Variants in XRCC4 observed in about 807,000 individuals in gnomAD.
XRCC4 encodes X-ray repair cross complementing 4, also known as DNA repair protein XRCC4.
XRCC4 carries 28 observed loss-of-function variants against 39.1 expected under a neutral mutation model. That is an observed-to-expected ratio of 0.72 (90% CI 0.53 to 0.98). The LOEUF is 0.98. Ranked by LOEUF, XRCC4 falls within the 50% of genes least tolerant of loss-of-function variation. The pLI, the probability that XRCC4 is intolerant of heterozygous loss-of-function variation, is 0.00. For synonymous variants in XRCC4, 123 were observed against 126.4 expected, an observed-to-expected ratio of 0.97 and a Z score of 0.18; for missense variants, 350 against 376.4, an observed-to-expected ratio of 0.93 and a Z score of 0.58.
chr5:83,234,813 T>TA (rs34710530), intron 6 of XRCC4, among the ~76,000 whole-genome samples: 1 of 151,484 alleles, frequency 6.6e-6, no homozygotes, highest in East Asian at 1.9e-4. Flanking sequence ...ATTTGACATT[T>TA]AAAAAAAAAT....
intron 7 of XRCC4, among the ~76,000 whole-genome samples, chr5:83,277,846 T>C (rs1210143362): frequency 6.6e-6 from 1 of 152,234 alleles, no homozygotes; most frequent in Non-Finnish European, 1.5e-5. Context: ...AGGATAACTA[T>C]ACATTCTTTG....
intron 3 of XRCC4, among the ~76,000 whole-genome samples, chr5:83,165,341 C>G (rs181487240): frequency 6.6e-6 from 1 of 151,992 alleles, no homozygotes; most frequent in African/African-American, 2.4e-5. Flanking sequence ...ATTATAGATA[C>G]AATTCCAATA....
chr5:83,084,920 A>G (rs992366755), intron 1 of XRCC4, among the ~76,000 whole-genome samples: 1 of 152,202 alleles, frequency 6.6e-6, no homozygotes, highest in Non-Finnish European at 1.5e-5. Context: ...GAAATCGATT[A>G]GCTCTATAGA....
intron 3 of XRCC4, among the ~76,000 whole-genome samples, chr5:83,152,319 G>C (rs559380374): frequency 6.6e-6 from 1 of 152,144 alleles, no homozygotes; most frequent in Non-Finnish European, 1.5e-5. Context: ...AATATTTAAT[G>C]ATATATGTAG....
At chr5:83,273,018 G>A (rs920186125) in intron 7 of XRCC4, among the ~76,000 whole-genome samples, 3 of 152,204 alleles carry the variant, frequency 2.0e-5, no homozygotes, top group Admixed American at 6.5e-5. Flanking sequence ...TTCCACAATG[G>A]TTGAACTAAT....
In XRCC4 at chr5:83,239,625, C is replaced by T. The variant is rs28360198; in HGVS notation, c.746-18905C>T. 1.9e-3 allele frequency among the ~76,000 whole-genome samples: 289 copies of T among 151,608 alleles called. 2 individuals carry two copies. Among genetic ancestry groups the T allele is most frequent in the African/African-American group, 6.9e-3 (284 of 41,248 alleles). On this transcript the variant is annotated intron_variant, in intron 6 of 7. Transcript: ENST00000396027. Reference sequence around the variant, plus strand: ...CGGGTGGATCACGAGATCAGGAGATCGAGACCATCCTGGCTAACACGGTGA... The same window carrying T: ...CGGGTGGATCACGAGATCAGGAGATTGAGACCATCCTGGCTAACACGGTGA...
intron 1 of XRCC4, among the ~76,000 whole-genome samples, chr5:83,089,842 A>G (rs918353450): frequency 6.6e-6 from 1 of 152,216 alleles, no homozygotes; most frequent in Admixed American, 6.5e-5. Context: ...ATAATTTGCT[A>G]TAATGGGTCA....
intron 6 of XRCC4, among the ~76,000 whole-genome samples, chr5:83,252,841 A>G (rs892865040): frequency 2.6e-5 from 4 of 152,176 alleles, no homozygotes; most frequent in African/African-American, 9.7e-5. Context: ...ACACATTTGA[A>G]AATAAGAGAT....
chr5:83,082,287 A>G (rs1744979394), intron 1 of XRCC4, among the ~76,000 whole-genome samples: 2 of 152,220 alleles, frequency 1.3e-5, no homozygotes. Flanking sequence ...TAAATGCAAT[A>G]TGTTATGCTA....
intron 6 of XRCC4, among the ~76,000 whole-genome samples, chr5:83,256,361 A>T (rs28360223): frequency 7.0e-4 from 107 of 152,320 alleles, no homozygotes; most frequent in Non-Finnish European, 1.4e-3. Context: ...AATTTGTAAG[A>T]CATCATTTGG....
intron 3 of XRCC4, among the ~76,000 whole-genome samples, chr5:83,115,080 AC>A (rs1168842404): frequency 6.6e-6 from 1 of 151,690 alleles, no homozygotes; most frequent in African/African-American, 2.4e-5. Context: ...GGAAAGACCC[AC>A]CCCCATGATT....
At chr5:83,089,738 A>T (rs975334789) in intron 1 of XRCC4, among the ~76,000 whole-genome samples, 1 of 152,356 alleles carries the variant, frequency 6.6e-6, no homozygotes, top group Admixed American at 6.5e-5. Flanking sequence ...AATTATTTTT[A>T]ATCAAACACT....
intron 1 of XRCC4, among the ~76,000 whole-genome samples, chr5:83,098,978 G>C (rs1035485188): frequency 1.3e-5 from 2 of 151,910 alleles, no homozygotes; most frequent in Non-Finnish European, 2.9e-5. Context: ...TCCTGTCTTT[G>C]AATTTTTATA....
intron 1 of XRCC4, 72 bp from the exon 2 acceptor site, chr5:83,104,837 AG>A: frequency 7.2e-7 from 1 of 1,382,282 alleles, no homozygotes. Flanking sequence ...TGTGTAGCTG[AG>A]AGGCCAGTAC....
At chr5:83,195,065 C>T (rs113891024) in intron 3 of XRCC4, among the ~76,000 whole-genome samples, 7 of 152,006 alleles carry the variant, frequency 4.6e-5, no homozygotes, top group African/African-American at 7.2e-5. Flanking sequence ...CATTGTGTTT[C>T]GGCATCCTTA....
intron 6 of XRCC4, among the ~76,000 whole-genome samples, chr5:83,240,390 A>G (rs1373056872): frequency 6.6e-6 from 1 of 152,132 alleles, no homozygotes; most frequent in African/African-American, 2.4e-5. Context: ...GATCAAAACA[A>G]GAGAGAAGCG....
intron 1 of XRCC4, among the ~76,000 whole-genome samples, chr5:83,101,316 G>A (rs531340174): frequency 3.3e-5 from 5 of 152,140 alleles, no homozygotes; most frequent in African/African-American, 1.2e-4. Context: ...CAATTTTACA[G>A]TATCAGGCGT....
intron 7 of XRCC4, among the ~76,000 whole-genome samples, chr5:83,348,997 T>C (rs1757002215): frequency 6.6e-6 from 1 of 152,156 alleles, no homozygotes; most frequent in Admixed American, 6.5e-5. Flanking sequence ...AGCCTGGACT[T>C]TATTGTCCAT....
intron 7 of XRCC4, among the ~76,000 whole-genome samples, chr5:83,303,340 CAGAGA>C (rs1168712638): frequency 6.6e-6 from 1 of 151,854 alleles, no homozygotes. Flanking sequence ...TATTTATGCG[CAGAGA>C]AAAGTTTCAA....
Sources: allele counts gnomAD v4.1 joint callset (sites outside exome capture counted in the v4.1 genomes callset), GRCh38; gene constraint gnomAD v4.1.1; transcripts MANE v1.5; gene names NCBI Gene and HGNC (gene_info 2026-07-23, HGNC 2026-07-21).